Variants in TTC7B observed in about 807,000 individuals in gnomAD.
The protein encoded by TTC7B is tetratricopeptide repeat domain 7B.
A neutral mutation model predicts 106.8 loss-of-function variants in TTC7B; 28 were observed. The observed-to-expected ratio is 0.26, with a 90% CI of 0.19 to 0.36. The LOEUF (loss-of-function observed/expected upper bound fraction) is 0.36, where lower values mean the gene tolerates loss of function less well. Among genes scored for constraint, TTC7B ranks in the 10% least tolerant of loss-of-function variants. The probability of loss-of-function intolerance (pLI) is 1.00; values close to 1 mark genes in which losing one functional copy is unlikely to be tolerated. For missense variants in TTC7B, 862 were observed against 1,076.4 expected, an observed-to-expected ratio of 0.80 and a Z score of 2.79; for synonymous variants, 405 against 430.6, an observed-to-expected ratio of 0.94 and a Z score of 0.74.
At chr14:90,750,760 C>T (rs951613335) in intron 3 of TTC7B, among the ~76,000 whole-genome samples, 2 of 152,240 alleles carry the variant, frequency 1.3e-5, no homozygotes, top group Non-Finnish European at 2.9e-5. Context: ...TTGTTCCTTT[C>T]CCTCTCCCAC....
chr14:90,644,282 C>T (rs902126533), intron 14 of TTC7B, 74 bp from the exon 15 acceptor site: 63 of 1,101,392 alleles, frequency 5.7e-5, no homozygotes, highest in East Asian at 1.2e-4. Flanking sequence ...CACACACACG[C>T]GCGAAAGAAG....
intron 13 of TTC7B, among the ~76,000 whole-genome samples, chr14:90,651,050 T>C (rs1885695664): frequency 6.6e-6 from 1 of 152,234 alleles, no homozygotes. Flanking sequence ...TGCAAAACAT[T>C]AGTATAAACA....
chr14:90,761,979 A>T (rs909585229), intron 3 of TTC7B, among the ~76,000 whole-genome samples: 2 of 152,234 alleles, frequency 1.3e-5, no homozygotes, highest in Non-Finnish European at 2.9e-5. Flanking sequence ...AGGGAATTGA[A>T]TGTATGGAAT....
At chr14:90,684,233 C>T (rs1420075741) in intron 7 of TTC7B, among the ~76,000 whole-genome samples, 1 of 152,182 alleles carries the variant, frequency 6.6e-6, no homozygotes, top group Non-Finnish European at 1.5e-5. Flanking sequence ...TCCACAATAG[C>T]TGTTTTTAAT....
Position 90,578,022 on chromosome 14 carries a change from G to A in TTC7B, c.2310+84C>T. Reference sequence around the variant, plus strand: ...CATGGGGCCTTTGGAAGCAGAAGAGGGTGTGAGGGTCATGTGCTACCTGCC... The same window carrying A: ...CATGGGGCCTTTGGAAGCAGAAGAGAGTGTGAGGGTCATGTGCTACCTGCC... On this transcript the variant is annotated intron_variant, in intron 19 of 19. Coordinates refer to ENST00000328459, the MANE Select transcript of TTC7B (RefSeq NM_001010854.2). This position sits in a 1 kb window ranked among gnomAD's most constrained non-coding sequence, Gnocchi z 4.7. 1 of 1,470,218 alleles carries A rather than the reference G, an allele frequency of 6.8e-7. No individual in the cohort carries two copies. The highest frequency in any genetic ancestry group is 1.2e-5 in the South Asian group (1 of 81,568). The allele number at this position is 1,470,218 out of a possible 1,614,324, so 91.1% of individuals were successfully genotyped here. A position where few individuals can be genotyped will look rare whatever the true frequency, so the allele number is the denominator to read the frequency against.
At chr14:90,607,165 A>T (rs147659687) in intron 17 of TTC7B, among the ~76,000 whole-genome samples, 69 of 152,318 alleles carry the variant, frequency 4.5e-4, no homozygotes, top group Non-Finnish European at 8.7e-4. Context: ...CATAATAGAA[A>T]TTAAAAAACA....
intron 3 of TTC7B, among the ~76,000 whole-genome samples, chr14:90,764,297 T>C (rs1471708701): frequency 6.6e-6 from 1 of 152,020 alleles, no homozygotes; most frequent in African/African-American, 2.4e-5. Context: ...CACAAAAATA[T>C]ACAAAAATTA....
intron 19 of TTC7B, among the ~76,000 whole-genome samples, chr14:90,550,944 T>A (rs1210379129): frequency 1.3e-5 from 2 of 152,076 alleles, no homozygotes; most frequent in African/African-American, 4.8e-5. Flanking sequence ...CAGAGCCTCC[T>A]CTCCTTACAG....
chr14:90,728,556 C>T (rs1316288018), intron 5 of TTC7B, among the ~76,000 whole-genome samples: 1 of 152,048 alleles, frequency 6.6e-6, no homozygotes, highest in African/African-American at 2.4e-5. Flanking sequence ...GCATGTAATC[C>T]ATCACCTAGT....
At chr14:90,563,118 T>C (rs1441957097) in intron 19 of TTC7B, among the ~76,000 whole-genome samples, 1 of 152,252 alleles carries the variant, frequency 6.6e-6, no homozygotes, top group Non-Finnish European at 1.5e-5. Context: ...TAGTCCAGTA[T>C]TGGACTCAAA....
intron 9 of TTC7B, among the ~76,000 whole-genome samples, chr14:90,673,028 A>G (rs920469872): frequency 3.3e-5 from 5 of 152,206 alleles, no homozygotes; most frequent in African/African-American, 1.2e-4. Context: ...ACTGGTACAT[A>G]GCAGACCCAG....
At chr14:90,800,125 C>A (rs1035443991) in intron 1 of TTC7B, among the ~76,000 whole-genome samples, 2 of 152,192 alleles carry the variant, frequency 1.3e-5, no homozygotes, top group Non-Finnish European at 2.9e-5. Context: ...AGCCACCACG[C>A]CCGGCCTGAT....
In TTC7B at chr14:90,779,642, G is replaced by C. The variant is rs191792228; in HGVS notation, c.445+1096C>G. Among the ~76,000 whole-genome samples, 456 of 152,300 alleles carry C rather than the reference G, an allele frequency of 3.0e-3. 3 individuals carry two copies. The highest frequency in any genetic ancestry group is 0.01 in the African/African-American group (432 of 41,562). On this transcript the variant is annotated intron_variant, in intron 3 of 19. Coordinates refer to ENST00000328459, the MANE Select transcript of TTC7B (RefSeq NM_001010854.2). Reference sequence around the variant, plus strand: ...ATCATTTATGCAGCATTTAGAATGTGCCAGGTACCACAATCAATGCTTTAC... The same window carrying C: ...ATCATTTATGCAGCATTTAGAATGTCCCAGGTACCACAATCAATGCTTTAC...
intron 6 of TTC7B, among the ~76,000 whole-genome samples, chr14:90,693,001 T>A (rs183197816): frequency 1.9e-4 from 29 of 152,232 alleles, no homozygotes; most frequent in Non-Finnish European, 3.5e-4. Flanking sequence ...TCTGGCCCCA[T>A]GAGTTGTACG....
chr14:90,708,054 G>A (rs1263490491), intron 5 of TTC7B, among the ~76,000 whole-genome samples: 1 of 148,474 alleles, frequency 6.7e-6, no homozygotes, highest in Non-Finnish European at 1.5e-5. Context: ...GCTGAGGCAG[G>A]AGAACAGCTA....
chr14:90,730,569 C>T (rs1404164746), intron 4 of TTC7B, among the ~76,000 whole-genome samples: 9 of 152,174 alleles, frequency 5.9e-5, no homozygotes, highest in Non-Finnish European at 1.0e-4. Flanking sequence ...TAGTTGTGAT[C>T]CACCAATGGC....
rs374326839 is a variant in TTC7B at position 90,732,469 on chromosome 14, G to A, written c.577-2273C>T. On this transcript the variant is annotated intron_variant, in intron 4 of 19. Coordinates refer to ENST00000328459, the MANE Select transcript of TTC7B (RefSeq NM_001010854.2). ...CATGGCTCCCTGCAGCCTCAACCTC[G>A]CAGGCTCAAACGATCCTCCCACCTC... Among the ~76,000 whole-genome samples, 6 of 152,182 alleles carry A rather than the reference G, an allele frequency of 3.9e-5. No homozygotes were observed. The South Asian group carries it at 8.3e-4, about 21-fold the overall frequency.
chr14:90,814,526 T>C (rs1566902013), intron 1 of TTC7B, among the ~76,000 whole-genome samples: 1 of 151,986 alleles, frequency 6.6e-6, no homozygotes, highest in Non-Finnish European at 1.5e-5. Flanking sequence ...CACGCAAATA[T>C]TGGGTGAATG....
chr14:90,550,993 C>A (rs564064585), intron 19 of TTC7B, among the ~76,000 whole-genome samples: 2 of 152,282 alleles, frequency 1.3e-5, no homozygotes, highest in South Asian at 4.1e-4. Context: ...GCGAGCACCC[C>A]CTGGGAGAAG....
Sources: allele counts gnomAD v4.1 joint callset (sites outside exome capture counted in the v4.1 genomes callset), GRCh38; gene constraint gnomAD v4.1.1; non-coding constraint Gnocchi (gnomAD v3.1); transcripts MANE v1.5; gene names NCBI Gene and HGNC (gene_info 2026-07-23, HGNC 2026-07-21).